Variants in DSTYK observed in about 807,000 individuals in gnomAD.
DSTYK encodes dual serine/threonine and tyrosine protein kinase.
A neutral mutation model predicts 98.7 loss-of-function variants in DSTYK; 34 were observed. The observed-to-expected ratio is 0.34, with a 90% CI of 0.26 to 0.46. The LOEUF (loss-of-function observed/expected upper bound fraction) is 0.46, where lower values mean the gene tolerates loss of function less well. DSTYK is among the 20% of genes least tolerant of loss of function. The pLI, the probability that DSTYK is intolerant of heterozygous loss-of-function variation, is 1.00. For synonymous variants in DSTYK, 462 were observed against 457.3 expected (o/e 1.01, Z -0.13); for missense variants, 962 against 1,181.7 (o/e 0.81, Z 2.73).
intron 2 of DSTYK, among the ~76,000 whole-genome samples, chr1:205,181,888 G>A (rs1245048243): frequency 6.6e-6 from 1 of 151,866 alleles, no homozygotes; most frequent in Non-Finnish European, 1.5e-5. Context: ...TGCCCAGTCT[G>A]GTCTTGAAAT....
intron 10 of DSTYK, among the ~76,000 whole-genome samples, chr1:205,155,042 T>TG (rs946869527): frequency 6.6e-6 from 1 of 152,046 alleles, no homozygotes; most frequent in African/African-American, 2.4e-5. Flanking sequence ...TGGAGTGCAG[T>TG]GGCGCAATCT....
At position 205,169,518 on chromosome 1, in the gene DSTYK, A is replaced by G. The variant is rs1196133264; in HGVS notation, c.969T>C (p.Pro323=). The G allele has an allele frequency of 6.2e-7, 1 of 1,614,136 alleles. No individual in the cohort carries two copies. The highest frequency in any genetic ancestry group is 1.1e-5 in the South Asian group (1 of 91,078). Residue 323 remains proline (P), a synonymous_variant, in exon 3 of 13, where the codon CCT becomes CCC. Coordinates refer to ENST00000367162, the MANE Select transcript of DSTYK (RefSeq NM_015375.3). This position sits in a 1 kb window ranked among gnomAD's most constrained non-coding sequence, Gnocchi z 4.0. The part of the protein sequence containing the change: ...LSSSHWNCGA[P]GQDTKAQSML... ...TGCTCTGAGCTTTAGTATCCTGGCCAGGAGCCCCACAGTTCCAGTGACTGC... is the reference window on the plus strand; with the variant it reads ...TGCTCTGAGCTTTAGTATCCTGGCCGGGAGCCCCACAGTTCCAGTGACTGC...
intron 1 of DSTYK, among the ~76,000 whole-genome samples, chr1:205,200,573 A>G (rs1226542228): frequency 6.6e-6 from 1 of 152,216 alleles, no homozygotes; most frequent in East Asian, 1.9e-4. Flanking sequence ...TAGGTAACCA[A>G]TTTGTAGAAA....
chr1:205,202,809 A>C, intron 1 of DSTYK: 1 of 538,674 alleles, frequency 1.9e-6, no homozygotes, highest in African/African-American at 1.9e-5. Context: ...AAAGTAAATA[A>C]AGGCATAATC....
rs1030057526 is a variant in DSTYK, at chr1:205,176,605, T to C, written c.655-6773A>G. On this transcript the variant is annotated intron_variant, in intron 2 of 12. Coordinates refer to ENST00000367162, the MANE Select transcript of DSTYK (RefSeq NM_015375.3). ...TAAAGTGTAAAATGACACTATTTTA[T>C]TTATTTTTAAATTTTTTGTAGAGAC... Among the ~76,000 whole-genome samples the C allele has an allele frequency of 2.6e-5, 4 of 152,062 alleles. No homozygotes were observed. In the South Asian group the frequency reaches 8.3e-4, roughly 32 times the overall value.
Position 205,150,869 on chromosome 1 carries a change from G to A in DSTYK, c.2353-75C>T, listed in dbSNP as rs950153455. ...GCACTGCTGCGTACCTAAGCTCAAAGGTAGGTACCTCAAAGTAGTGTCACT... is the reference window on the plus strand; with the variant it reads ...GCACTGCTGCGTACCTAAGCTCAAAAGTAGGTACCTCAAAGTAGTGTCACT... On this transcript the variant is annotated intron_variant, in intron 10 of 12. Coordinates refer to ENST00000367162, the MANE Select transcript of DSTYK (RefSeq NM_015375.3). The surrounding 1 kb of genome is among the most constrained non-coding windows in gnomAD (Gnocchi z 4.1). 8 of 1,138,656 alleles carry A rather than the reference G, an allele frequency of 7.0e-6. No individual in the cohort carries two copies. The African/African-American group carries it at 7.6e-5, about 11-fold the overall frequency. 70.5% of individuals were successfully genotyped at this position (1,138,656 alleles called of 1,614,324 possible). A position where few individuals can be genotyped will look rare whatever the true frequency, so the allele number is the denominator to read the frequency against.
intron 7 of DSTYK, among the ~76,000 whole-genome samples, chr1:205,160,705 T>G (rs1450420732): frequency 6.6e-6 from 1 of 152,194 alleles, no homozygotes; most frequent in Non-Finnish European, 1.5e-5. Context: ...GATAAAATTC[T>G]AGTGTCATTC....
Position 205,169,650 on chromosome 1 carries a change from G to C in DSTYK, c.837C>G (p.Phe279Leu). 1 of 1,614,188 alleles carries C rather than the reference G, an allele frequency of 6.2e-7. No homozygotes were observed. The highest frequency in any genetic ancestry group is 8.5e-7 in the Non-Finnish European group (1 of 1,180,030). Residue 279 changes from phenylalanine to leucine, a missense_variant, in exon 3 of 13, where the codon TTC (phenylalanine) becomes TTG (leucine). Transcript: ENST00000367162. This position sits in a 1 kb window ranked among gnomAD's most constrained non-coding sequence, Gnocchi z 4.0. Reference sequence around the variant, plus strand: ...TCTCCGAGCCCAGTTTCGGCACTTTGAAAAAGAATACAGGAAAGGAGAAAT... The same window carrying C: ...TCTCCGAGCCCAGTTTCGGCACTTTCAAAAAGAATACAGGAAAGGAGAAAT... ...RKYFSFPVFFFKVPKLGSEII... is the reference protein window; with the variant it reads ...RKYFSFPVFFLKVPKLGSEII...
At chr1:205,151,121 T>G (rs1324688522) in intron 10 of DSTYK, among the ~76,000 whole-genome samples, 1 of 152,078 alleles carries the variant, frequency 6.6e-6, no homozygotes, top group Non-Finnish European at 1.5e-5. Flanking sequence ...AAAGGTACAG[T>G]AAGAATATGG....
intron 2 of DSTYK, among the ~76,000 whole-genome samples, chr1:205,183,113 A>C (rs1352806290): frequency 2.0e-5 from 3 of 151,324 alleles, no homozygotes; most frequent in South Asian, 2.1e-4. Context: ...GAGATATATC[A>C]GATTGAGCAA....
chr1:205,193,517 C>T (rs1658773565), intron 1 of DSTYK, among the ~76,000 whole-genome samples: 1 of 152,032 alleles, frequency 6.6e-6, no homozygotes, highest in African/African-American at 2.4e-5. Context: ...TCTGCCTCCC[C>T]TTTTTCTCCC....
At chr1:205,208,333 T>C (rs1282544660) in intron 1 of DSTYK, among the ~76,000 whole-genome samples, 1 of 152,220 alleles carries the variant, frequency 6.6e-6, no homozygotes, top group East Asian at 1.9e-4. Flanking sequence ...TTTGGTATCA[T>C]ATGGCATTAC....
intron 2 of DSTYK, among the ~76,000 whole-genome samples, chr1:205,180,238 T>A (rs1658355303): frequency 6.6e-6 from 1 of 152,174 alleles, no homozygotes. Flanking sequence ...GAATTAGGTA[T>A]TTGTCCTAAT....
chr1:205,156,118 C>T (rs1020892470), intron 10 of DSTYK, among the ~76,000 whole-genome samples: 5 of 152,254 alleles, frequency 3.3e-5, no homozygotes, highest in South Asian at 2.1e-4. Flanking sequence ...GCCTGGATAT[C>T]CAGGCAGAAG....
Position 205,143,030 on chromosome 1 carries a change from C to T in DSTYK, c.*4528G>A, listed in dbSNP as rs1657118551. ...TAGGAACAGTAGTGCTACTGGAAAC[C>T]TCCAGGAGAGTTTGGAATACAAGTG... On this transcript the variant is annotated 3_prime_UTR_variant, in exon 13 of 13. Coordinates refer to ENST00000367162, the MANE Select transcript of DSTYK (RefSeq NM_015375.3). 1 of 152,160 alleles carries T rather than the reference C, an allele frequency of 6.6e-6. No homozygotes were observed. Among genetic ancestry groups the T allele is most frequent in the African/African-American group, 2.4e-5 (1 of 41,454 alleles). The allele number at this position is 152,160 out of a possible 1,614,324, so 9.4% of individuals were successfully genotyped here. A position where few individuals can be genotyped will look rare whatever the true frequency, so the allele number is the denominator to read the frequency against.
chr1:205,154,805 T>C (rs1340438288), intron 10 of DSTYK, among the ~76,000 whole-genome samples: 1 of 152,098 alleles, frequency 6.6e-6, no homozygotes, highest in Non-Finnish European at 1.5e-5. Flanking sequence ...ATATGGACAA[T>C]GATGTCCAGG....
In DSTYK at chr1:205,144,425, C is replaced by T. The variant is rs1657161308; in HGVS notation, c.*3133G>A. On this transcript the variant is annotated 3_prime_UTR_variant, in exon 13 of 13. Transcript: ENST00000367162. ...TTGGTCATGCTGAGCCCTCTATAACCCAAGTGCTGCCAGACTTCTTTGAAA... is the reference window on the plus strand; with the variant it reads ...TTGGTCATGCTGAGCCCTCTATAACTCAAGTGCTGCCAGACTTCTTTGAAA... The T allele has an allele frequency of 6.6e-6, 1 of 152,592 alleles. No individual in the cohort carries two copies. The highest frequency in any genetic ancestry group is 1.5e-5 in the Non-Finnish European group (1 of 68,052). 9.5% of individuals were successfully genotyped at this position (152,592 alleles called of 1,614,324 possible). A position where few individuals can be genotyped will look rare whatever the true frequency, so the allele number is the denominator to read the frequency against.
chr1:205,201,102 G>A (rs1330531453), intron 1 of DSTYK, among the ~76,000 whole-genome samples: 1 of 151,798 alleles, frequency 6.6e-6, no homozygotes, highest in African/African-American at 2.4e-5. Context: ...ATGGGGTTTC[G>A]CTATGTTGGT....
At chr1:205,156,847 A>G (rs1657578028) in intron 10 of DSTYK, among the ~76,000 whole-genome samples, 1 of 152,168 alleles carries the variant, frequency 6.6e-6, no homozygotes, top group Non-Finnish European at 1.5e-5. Flanking sequence ...TGTAGTTCCC[A>G]TAATCTGCAT....
Sources: allele counts gnomAD v4.1 joint callset (sites outside exome capture counted in the v4.1 genomes callset), GRCh38; gene constraint gnomAD v4.1.1; non-coding constraint Gnocchi (gnomAD v3.1); transcripts MANE v1.5; gene names NCBI Gene and HGNC (gene_info 2026-07-23, HGNC 2026-07-21).